Variants in RTKN2 observed in about 807,000 individuals in gnomAD.
The protein encoded by RTKN2 is rhotekin 2, also known as rhotekin-2.
RTKN2 carries 69 observed loss-of-function variants against 71.5 expected under a neutral mutation model. That is an observed-to-expected ratio of 0.96 (90% confidence interval 0.79 to 1.18). The LOEUF is 1.18. Ranked by LOEUF, RTKN2 falls within the 50% of genes most tolerant of loss-of-function variation. RTKN2 has a pLI of 0.00. For synonymous variants in RTKN2, 236 were observed against 236.5 expected (o/e 1.00, Z 0.02); for missense variants, 724 against 719.7 (o/e 1.01, Z -0.07).
chr10:62,192,942 A>G (rs772168984), downstream of RTKN2, among the ~76,000 whole-genome samples: 1 of 152,204 alleles, frequency 6.6e-6, no homozygotes, highest in Non-Finnish European at 1.5e-5. Context: ...CACTATGTGT[A>G]TGAGTATGTA....
chr10:62,268,057 A>G (rs1176098457), intron 1 of RTKN2, among the ~76,000 whole-genome samples: 8 of 152,206 alleles, frequency 5.3e-5, no homozygotes, highest in African/African-American at 1.9e-4. Flanking sequence ...AACTTTTTCT[A>G]AAGTGCAGAG....
intron 3 of RTKN2, among the ~76,000 whole-genome samples, chr10:62,243,410 T>C (rs1363352356): frequency 2.0e-5 from 3 of 152,086 alleles, no homozygotes; most frequent in African/African-American, 7.2e-5. Context: ...CCACAGCTGC[T>C]GACTCATTTC....
At chr10:62,240,271 CAATAA>C (rs1215575987) in intron 4 of RTKN2, among the ~76,000 whole-genome samples, 1 of 146,304 alleles carries the variant, frequency 6.8e-6, no homozygotes, top group Non-Finnish European at 1.5e-5. Context: ...AAAAACAAAA[CAATAA>C]AATAGACATG....
intron 9 of RTKN2, 30 bp downstream of exon 9, chr10:62,217,088 A>AT (rs1004136041): frequency 9.8e-6 from 15 of 1,527,978 alleles, no homozygotes; most frequent in African/African-American, 4.2e-5. Context: ...TAAGATGTAT[A>AT]TTTTTTTCTC....
intron 5 of RTKN2, among the ~76,000 whole-genome samples, 193 bp from the exon 6 acceptor site, chr10:62,236,456 C>T (rs146893766): frequency 2.4e-4 from 36 of 151,960 alleles, no homozygotes; most frequent in Non-Finnish European, 4.4e-4. Context: ...AAATTGTTGA[C>T]GAGGGTATGG....
At chr10:62,191,420 T>C (rs1211118458), downstream of RTKN2, among the ~76,000 whole-genome samples, 3 of 152,182 alleles carry the variant, frequency 2.0e-5, no homozygotes, top group Non-Finnish European at 4.4e-5. Flanking sequence ...ACTGGGATTA[T>C]AGGCATGAGC....
chr10:62,267,243 C>A (rs969622645), intron 1 of RTKN2, among the ~76,000 whole-genome samples: 1 of 152,100 alleles, frequency 6.6e-6, no homozygotes, highest in Non-Finnish European at 1.5e-5. Context: ...ATGTAAATAA[C>A]CCAGGCTTTA....
Position 62,239,741 on chromosome 10 carries a change from CA to C in RTKN2, c.394del (p.Cys132ValfsTer15), listed in dbSNP as rs1237489456. The part of the protein sequence containing the change: ...KERSRRYAIF[C>X]LFKMGANVFD... Reference sequence around the variant, plus strand: ...CACATTAGCTCCCATTTTGAATAAACAAAAAATGGCATAGCGTCGTGATCCT... The same window carrying C: ...CACATTAGCTCCCATTTTGAATAAACAAAAATGGCATAGCGTCGTGATCCT... On this transcript the variant is annotated frameshift_variant, in exon 5 of 12. Transcript: ENST00000373789. LOFTEE classifies it high-confidence loss of function. 2 of 1,587,988 alleles carry C rather than the reference CA, an allele frequency of 1.3e-6. No individual in the cohort carries two copies. Among genetic ancestry groups the C allele is most frequent in the Non-Finnish European group, 1.7e-6 (2 of 1,163,798 alleles).
At chr10:62,202,454 T>C (rs1841463496) in intron 10 of RTKN2, among the ~76,000 whole-genome samples, 1 of 152,226 alleles carries the variant, frequency 6.6e-6, no homozygotes, top group Non-Finnish European at 1.5e-5. Context: ...CACCTGTCAC[T>C]AGGAAAGTTA....
chr10:62,234,494 TA>T (rs10639375), intron 6 of RTKN2, among the ~76,000 whole-genome samples: 30 of 142,606 alleles, frequency 2.1e-4, no homozygotes, highest in Non-Finnish European at 2.3e-4. Context: ...AGACTTGTCT[TA>T]AAAAAAAAAA....
exon 9 of RTKN2, chr10:62,184,326 G>A: frequency 6.5e-7 from 1 of 1,534,264 alleles, no homozygotes; most frequent in Non-Finnish European, 8.8e-7. Context: ...GAGAAGCTAT[G>A]TGAAGAGGAA....
At chr10:62,213,081 C>CA (rs1841695261) in intron 9 of RTKN2, among the ~76,000 whole-genome samples, 1 of 152,046 alleles carries the variant, frequency 6.6e-6, no homozygotes, top group Non-Finnish European at 1.5e-5. Flanking sequence ...AACTTCTTTA[C>CA]AAAAAGAATG....
At position 62,195,117 on chromosome 10, in the gene RTKN2, C is replaced by T. The variant is rs1017477818; in HGVS notation, c.*2791G>A. The T allele has an allele frequency of 4.9e-5, 48 of 979,844 alleles. No individual in the cohort carries two copies. The highest frequency in any genetic ancestry group is 3.7e-4 in the African/African-American group (21 of 57,124). The allele number at this position is 979,844 out of a possible 1,614,324, so 60.7% of individuals were successfully genotyped here. A position where few individuals can be genotyped will look rare whatever the true frequency, so the allele number is the denominator to read the frequency against. ...AATAATACTATCTTAATGCTGACTA[C>T]GTAATTTATATCCCAGAGCTTGAAA... On this transcript the variant is annotated 3_prime_UTR_variant, in exon 12 of 12. Transcript: ENST00000373789.
chr10:62,197,575 C>T lies in RTKN2; in HGVS notation c.*333G>A. 9.6e-7 allele frequency: 1 copy of T among 1,039,384 alleles called. No individual in the cohort carries two copies. Among genetic ancestry groups the T allele is most frequent in the Non-Finnish European group, 1.2e-6 (1 of 864,768 alleles). 64.4% of individuals were successfully genotyped at this position (1,039,384 alleles called of 1,614,324 possible). On this transcript the variant is annotated 3_prime_UTR_variant, in exon 12 of 12. Transcript: ENST00000373789. Reference sequence around the variant, plus strand: ...AACACATTTTAAATTACTAGACAGTCTCTCCCCAAAAGAAATTTTAATGCT... The same window carrying T: ...AACACATTTTAAATTACTAGACAGTTTCTCCCCAAAAGAAATTTTAATGCT...
At chr10:62,250,385 C>T (rs185238591) in intron 2 of RTKN2, among the ~76,000 whole-genome samples, 3 of 152,306 alleles carry the variant, frequency 2.0e-5, no homozygotes, top group Admixed American at 1.3e-4. Flanking sequence ...CCAAGAAACA[C>T]TAGTTTCAAA....
Position 62,196,121 on chromosome 10 carries a change from G to A in RTKN2, c.*1787C>T. On this transcript the variant is annotated 3_prime_UTR_variant, in exon 12 of 12. Transcript: ENST00000373789. ...GCATCTTCTAGCTCAATAATTTAGT[G>A]GCAATGACAGTCACAAATGCTGTCA... 4 of 984,526 alleles carry A rather than the reference G, an allele frequency of 4.1e-6. No homozygotes were observed. The highest frequency in any genetic ancestry group is 4.8e-6 in the Non-Finnish European group (4 of 829,440). 61.0% of individuals were successfully genotyped at this position (984,526 alleles called of 1,614,324 possible). A position where few individuals can be genotyped will look rare whatever the true frequency, so the allele number is the denominator to read the frequency against.
At chr10:62,265,827 G>A (rs1842859243) in intron 1 of RTKN2, among the ~76,000 whole-genome samples, 1 of 152,106 alleles carries the variant, frequency 6.6e-6, no homozygotes, top group South Asian at 2.1e-4. Flanking sequence ...ATGTAATAAG[G>A]GTACCGATTG....
At chr10:62,184,658 C>T (rs2132750862) in intron 8 of RTKN2, among the ~76,000 whole-genome samples, 1 of 152,312 alleles carries the variant, frequency 6.6e-6, no homozygotes, top group South Asian at 2.1e-4. Flanking sequence ...TGGCTTCCGC[C>T]TACAGAAAGA....
chr10:62,219,327 A>G lies in RTKN2; in HGVS notation c.782-1026T>C, dbSNP rs4586045. On this transcript the variant is annotated intron_variant, in intron 7 of 11. Coordinates refer to ENST00000373789, the MANE Select transcript of RTKN2 (RefSeq NM_145307.4). The stretch of plus-strand genomic sequence containing the variant: ...CAGGGTAAAAGAGATATGCCTGGGA[A>G]GAGGAGCCTGACATCGAACATTAGA... Among the ~76,000 whole-genome samples the G allele has an allele frequency of 4.0e-3, 608 of 152,306 alleles. 23 individuals are homozygous for G. The highest frequency in any genetic ancestry group is 0.038 in the Admixed American group (576 of 15,292).
Sources: gnomAD v4.1 joint callset for allele counts (sites outside exome capture counted in the v4.1 genomes callset) on GRCh38, gnomAD v4.1.1 for gene constraint, MANE v1.5 for transcripts, NCBI Gene and HGNC (gene_info 2026-07-23, HGNC 2026-07-21) for gene names.